SGCZ: variants seen among roughly 807,000 people sequenced by gnomAD.
SGCZ encodes zeta-sarcoglycan.
SGCZ carries 40 observed loss-of-function variants against 41.3 expected under a neutral mutation model. That is an observed-to-expected ratio of 0.97 (90% CI 0.75 to 1.26). The LOEUF (loss-of-function observed/expected upper bound fraction) is 1.26. Among genes scored for constraint, SGCZ ranks in the 50% most tolerant of loss-of-function variants. SGCZ has a pLI of 0.00. For missense variants in SGCZ, 552 were observed against 369.8 expected, an observed-to-expected ratio of 1.49 and a Z score of -4.04; for synonymous variants, 206 against 137.5, an observed-to-expected ratio of 1.50 and a Z score of -3.49.
rs927511268 is a variant in SGCZ at position 15,115,111 on chromosome 8, C to T, written c.39+122474G>A. Among the ~76,000 whole-genome samples the T allele has an allele frequency of 3.5e-4, 54 of 152,118 alleles. 1 individual carries two copies. The highest frequency in any genetic ancestry group is 3.2e-3 in the Middle Eastern group (1 of 316). Reference sequence around the variant, plus strand: ...TAAAAATATAAGAGTTTATTTCTGGCACACAGAAAGACATGTCAGTAGAGT... The same window carrying T: ...TAAAAATATAAGAGTTTATTTCTGGTACACAGAAAGACATGTCAGTAGAGT... On this transcript the variant is annotated intron_variant, in intron 1 of 7. Coordinates refer to ENST00000382080, the MANE Select transcript of SGCZ (RefSeq NM_139167.4).
intron 5 of SGCZ, among the ~76,000 whole-genome samples, chr8:14,123,465 A>C (rs1431259823): frequency 6.6e-6 from 1 of 152,140 alleles, no homozygotes; most frequent in Non-Finnish European, 1.5e-5. Flanking sequence ...AGATTTGAAA[A>C]TATTATATTG....
At chr8:14,205,569 C>T (rs1319787315) in intron 4 of SGCZ, among the ~76,000 whole-genome samples, 2 of 152,030 alleles carry the variant, frequency 1.3e-5, no homozygotes, top group African/African-American at 4.8e-5. Flanking sequence ...GAAAGAGAAA[C>T]TTTTCTCCCT....
At chr8:15,000,695 C>T (rs73519087) in intron 1 of SGCZ, among the ~76,000 whole-genome samples, 3,721 of 152,222 alleles carry the variant, frequency 0.024, 173 homozygotes, top group African/African-American at 0.084. Flanking sequence ...TTGGGGCAAC[C>T]AGCCTTCCCC....
intron 1 of SGCZ, among the ~76,000 whole-genome samples, chr8:15,064,806 T>A (rs1344140700): frequency 6.6e-6 from 1 of 152,152 alleles, no homozygotes; most frequent in African/African-American, 2.4e-5. Context: ...TAAATCCTTC[T>A]TCCTTGGCAA....
rs553703221 is a variant in SGCZ, at chr8:14,920,381, G to A, written c.39+317204C>T. Among the ~76,000 whole-genome samples, 320 of 152,274 alleles carry A rather than the reference G, an allele frequency of 2.1e-3. 4 individuals are homozygous for A. Among genetic ancestry groups the A allele is most frequent in the Non-Finnish European group, 1.6e-3 (111 of 68,022 alleles). On this transcript the variant is annotated intron_variant, in intron 1 of 7. Coordinates refer to ENST00000382080, the MANE Select transcript of SGCZ (RefSeq NM_139167.4). ...CCTTACAAAGAAAGCTAGACAACCT[G>A]TTCAAATGCACTGTTTTTATCAAAA...
At chr8:15,232,175 A>G (rs12386809) in intron 1 of SGCZ, among the ~76,000 whole-genome samples, 4,071 of 152,272 alleles carry the variant, frequency 0.027, 183 homozygotes, top group African/African-American at 0.093. Flanking sequence ...GCCAAATTGT[A>G]TTTTAGCTGA....
chr8:14,485,597 GT>G (rs2117014674), intron 2 of SGCZ, among the ~76,000 whole-genome samples: 1 of 152,230 alleles, frequency 6.6e-6, no homozygotes, highest in Non-Finnish European at 1.5e-5. Flanking sequence ...GATGGGTCCT[GT>G]GCTTCCAGAT....
intron 2 of SGCZ, among the ~76,000 whole-genome samples, chr8:14,334,929 T>C (rs1802459362): frequency 6.6e-6 from 1 of 152,148 alleles, no homozygotes; most frequent in Non-Finnish European, 1.5e-5. Context: ...TTAGAAGAGT[T>C]AAGTGGAAGA....
intron 1 of SGCZ, among the ~76,000 whole-genome samples, chr8:14,732,736 G>C (rs566023262): frequency 6.6e-6 from 1 of 152,102 alleles, no homozygotes; most frequent in South Asian, 2.1e-4. Context: ...CAAGACAGTG[G>C]GCAACAGGTA....
chr8:15,049,751 C>T (rs931285037), intron 1 of SGCZ, among the ~76,000 whole-genome samples: 6 of 152,070 alleles, frequency 3.9e-5, no homozygotes, highest in Non-Finnish European at 5.9e-5. Context: ...AAGAGCAGGG[C>T]AAGGTTATGA....
chr8:14,926,039 G>T (rs1799738231), intron 1 of SGCZ, among the ~76,000 whole-genome samples: 1 of 152,258 alleles, frequency 6.6e-6, no homozygotes, highest in South Asian at 2.1e-4. Context: ...ACTATGTGAA[G>T]AATGTAAATG....
intron 1 of SGCZ, among the ~76,000 whole-genome samples, chr8:14,763,271 A>G (rs1799945403): frequency 6.6e-6 from 1 of 152,126 alleles, no homozygotes; most frequent in Non-Finnish European, 1.5e-5. Flanking sequence ...TGTTCATTGC[A>G]GCCACACTTT....
chr8:14,236,596 A>C (rs1303917687), intron 4 of SGCZ, among the ~76,000 whole-genome samples: 1 of 151,658 alleles, frequency 6.6e-6, no homozygotes, highest in Non-Finnish European at 1.5e-5. Context: ...CATTAAAATA[A>C]GAATACCTCA....
intron 1 of SGCZ, among the ~76,000 whole-genome samples, chr8:15,117,286 G>A (rs1228080317): frequency 6.6e-6 from 1 of 151,620 alleles, no homozygotes; most frequent in Non-Finnish European, 1.5e-5. Flanking sequence ...GTGAACCTGG[G>A]AGGGGGAGCT....
At chr8:14,398,154 G>C (rs1275302744) in intron 2 of SGCZ, among the ~76,000 whole-genome samples, 2 of 152,128 alleles carry the variant, frequency 1.3e-5, no homozygotes, top group East Asian at 3.9e-4. Flanking sequence ...GGAAGGGAAG[G>C]ACAGGAGCAC....
intron 2 of SGCZ, among the ~76,000 whole-genome samples, chr8:14,515,317 C>A (rs1409395193): frequency 1.3e-5 from 2 of 152,062 alleles, no homozygotes; most frequent in African/African-American, 4.8e-5. Flanking sequence ...CAGATACTAT[C>A]CTGTAAGTCA....
At chr8:14,207,986 C>T (rs1018619511) in intron 4 of SGCZ, among the ~76,000 whole-genome samples, 64 of 152,224 alleles carry the variant, frequency 4.2e-4, no homozygotes, top group African/African-American at 1.4e-3. Context: ...GCTGAACTGT[C>T]TTTATACACA....
chr8:15,192,223 G>A (rs573903742), intron 1 of SGCZ, among the ~76,000 whole-genome samples: 1 of 151,496 alleles, frequency 6.6e-6, no homozygotes, highest in Admixed American at 6.6e-5. Context: ...TTGCCCTGGT[G>A]ACATTCTTTT....
chr8:14,448,188 A>C (rs2117391797), intron 2 of SGCZ, among the ~76,000 whole-genome samples: 1 of 152,344 alleles, frequency 6.6e-6, no homozygotes, highest in South Asian at 2.1e-4. Flanking sequence ...TGCTACTAAA[A>C]GAGAGATTCA....
Sources: allele counts gnomAD v4.1 joint callset (sites outside exome capture counted in the v4.1 genomes callset), GRCh38; gene constraint gnomAD v4.1.1; transcripts MANE v1.5; gene names NCBI Gene and HGNC (gene_info 2026-07-23, HGNC 2026-07-21).